The following FSD2 variants were observed in gnomAD, a reference collection of about 807,000 sequenced individuals.
FSD2 encodes the protein fibronectin type III and SPRY domain containing 2, also known as fibronectin type III and SPRY domain-containing protein 2.
In FSD2, 71 loss-of-function variants were observed where a neutral mutation model predicts 80.4. That is an observed-to-expected ratio of 0.88 (90% CI 0.73 to 1.08). FSD2 has a LOEUF of 1.08. Among genes scored for constraint, FSD2 ranks in the 50% least tolerant of loss-of-function variants. The pLI, the probability that FSD2 is intolerant of heterozygous loss-of-function variation, is 0.00. For synonymous variants in FSD2, 361 were observed against 329.5 expected, an observed-to-expected ratio of 1.10 and a Z score of -1.03; for missense variants, 923 against 913.8, an observed-to-expected ratio of 1.01 and a Z score of -0.13.
chr15:82,785,808 A>C (rs574239925), intron 3 of FSD2, among the ~76,000 whole-genome samples: 1 of 152,284 alleles, frequency 6.6e-6, no homozygotes, highest in South Asian at 2.1e-4. Context: ...TCCCGAAACC[A>C]ACGGAACAAC....
chr15:82,790,573 C>T (rs372362909), intron 1 of FSD2, among the ~76,000 whole-genome samples: 1 of 99,928 alleles, frequency 1.0e-5, no homozygotes, highest in East Asian at 2.8e-4. Context: ...TGTGTTCGTG[C>T]GTGTGTGTGT....
At chr15:82,760,200 A>G (rs565968632) in intron 12 of FSD2, among the ~76,000 whole-genome samples, 9 of 152,348 alleles carry the variant, frequency 5.9e-5, no homozygotes, top group African/African-American at 2.2e-4. Context: ...GGAATAGAAC[A>G]TGTTTTTAAA....
chr15:82,766,311 G>T (rs1041050558), intron 9 of FSD2, among the ~76,000 whole-genome samples: 1 of 152,230 alleles, frequency 6.6e-6, no homozygotes, highest in South Asian at 2.1e-4. Flanking sequence ...ACTGTGCTTG[G>T]CATATGGTTA....
rs1238125089 is a variant in FSD2, at chr15:82,756,739, C to G, written c.*2609G>C. ...TTTCCCCTTTGTTAAGGTGGGGAGG[C>G]CACAGCTTATGTGAATGACTTTCTC... On this transcript the variant is annotated 3_prime_UTR_variant, in exon 13 of 13. Transcript: ENST00000334574. 1 of 152,136 alleles carries G rather than the reference C, an allele frequency of 6.6e-6. No homozygotes were observed. The highest frequency in any genetic ancestry group is 1.5e-5 in the Non-Finnish European group (1 of 68,034). The allele number at this position is 152,136 out of a possible 1,614,324, so 9.4% of individuals were successfully genotyped here.
At chr15:82,785,089 T>C (rs2049963226) in intron 3 of FSD2, among the ~76,000 whole-genome samples, 1 of 152,156 alleles carries the variant, frequency 6.6e-6, no homozygotes, top group South Asian at 2.1e-4. Context: ...TAGGGGCCAA[T>C]ATGACTAGTG....
chr15:82,768,974 G>A lies in FSD2; in HGVS notation c.1459C>T (p.Leu487=). 6.2e-7 allele frequency: 1 copy of A among 1,606,138 alleles called. No homozygotes were observed. Among genetic ancestry groups the A allele is most frequent in the Non-Finnish European group, 8.5e-7 (1 of 1,176,442 alleles). Reference sequence around the variant, plus strand: ...AGGTTCCCAGACTCCCAGCAAATCAGCACAGCCTCTTCACAGCTCCTTATC... The same window carrying A: ...AGGTTCCCAGACTCCCAGCAAATCAACACAGCCTCTTCACAGCTCCTTATC... The part of the protein sequence containing the change: ...KEIRSCEEAV[L]ICWESGNLNP... Residue 487 remains leucine (L), a synonymous_variant, in exon 9 of 13, where the codon CTG becomes TTG. Transcript: ENST00000334574.
intron 3 of FSD2, among the ~76,000 whole-genome samples, chr15:82,784,225 G>T (rs2049941418): frequency 7.0e-6 from 1 of 142,610 alleles, no homozygotes; most frequent in African/African-American, 2.5e-5. Context: ...CAGCATGTAA[G>T]AAGTTTTTTA....
intron 1 of FSD2, among the ~76,000 whole-genome samples, chr15:82,800,258 A>G (rs2050378156): frequency 6.6e-6 from 1 of 152,180 alleles, no homozygotes; most frequent in African/African-American, 2.4e-5. Context: ...TTGTCCTGCA[A>G]GCACAGGAAA....
chr15:82,785,300 A>ATTATTTATTTATTTAT (rs10635621), intron 3 of FSD2, among the ~76,000 whole-genome samples: 73 of 147,022 alleles, frequency 5.0e-4, no homozygotes, highest in African/African-American at 1.3e-3. Flanking sequence ...AAGGCAATAC[A>ATTATTTATTTATTTAT]TTATTTATTT....
Position 82,759,530 on chromosome 15 carries a change from C to T in FSD2, c.2068G>A (p.Gly690Ser). The T allele has an allele frequency of 6.2e-7, 1 of 1,609,502 alleles. No homozygotes were observed. The highest frequency in any genetic ancestry group is 8.5e-7 in the Non-Finnish European group (1 of 1,177,500). The change falls in exon 13 of 13, where the codon GGC becomes AGC. Residue 690 changes from glycine to serine, a missense_variant. Transcript: ENST00000334574. ...IRITVPPKKI[G>S]ILLDYEHSKL... ...GAATGTTCATAGTCTAATAGAATGCCAATCTTCTTTGGTGGAACTGTTATT... is the reference window on the plus strand; with the variant it reads ...GAATGTTCATAGTCTAATAGAATGCTAATCTTCTTTGGTGGAACTGTTATT...
Position 82,769,866 on chromosome 15 carries a change from T to C in FSD2, c.1286A>G (p.Lys429Arg), listed in dbSNP as rs753060034. 3 of 1,613,988 alleles carry C rather than the reference T, an allele frequency of 1.9e-6. No individual in the cohort carries two copies. In the East Asian group the frequency reaches 6.7e-5, roughly 36 times the overall value. The change falls in exon 8 of 13, where the codon AAA (lysine) becomes AGA (arginine). Residue 429 changes from lysine (K) to arginine (R), a missense_variant. Coordinates refer to ENST00000334574, the MANE Select transcript of FSD2 (RefSeq NM_001007122.4). ...GTTTGTCACTGAGCAATATGTTTCT[T>C]TGACAGTCACTGTAAACTCTGGGGA... ...TDQAEFTVTV[K>R]ETYCSVTNLV...
At chr15:82,785,221 C>G (rs2049966758) in intron 3 of FSD2, among the ~76,000 whole-genome samples, 1 of 152,134 alleles carries the variant, frequency 6.6e-6, no homozygotes, top group African/African-American at 2.4e-5. Context: ...AATAGAAACT[C>G]CTTTCCAATC....
intron 1 of FSD2, among the ~76,000 whole-genome samples, chr15:82,791,124 C>G (rs920886070): frequency 2.3e-4 from 34 of 146,656 alleles, no homozygotes; most frequent in African/African-American, 7.1e-4. Context: ...TCAGCCTCCC[C>G]AGTAGCTGGG....
intron 6 of FSD2, among the ~76,000 whole-genome samples, chr15:82,775,259 A>G (rs1287313000): frequency 5.9e-5 from 9 of 151,856 alleles, no homozygotes; most frequent in East Asian, 2.0e-4. Flanking sequence ...TTAGCCAGGC[A>G]TGGTAGCGGG....
Position 82,759,460 on chromosome 15 carries a change from G to C in FSD2, c.2138C>G (p.Thr713Arg). Residue 713 changes from threonine to arginine, a missense_variant, in exon 13 of 13, where the codon ACA becomes AGA. Thr to Arg is a moderately conservative substitution (Grantham distance 71). Coordinates refer to ENST00000334574, the MANE Select transcript of FSD2 (RefSeq NM_001007122.4). Reference protein sequence around the residue: ...FNVDLSQHLYTFSCQLHEFVH... With the variant: ...FNVDLSQHLYRFSCQLHEFVH... ...AAATTCGTGAAGCTGACAACTAAATGTATATAGATGCTGAGAAAGGTCCAC... is the reference window on the plus strand; with the variant it reads ...AAATTCGTGAAGCTGACAACTAAATCTATATAGATGCTGAGAAAGGTCCAC... The C allele has an allele frequency of 6.2e-7, 1 of 1,613,600 alleles. No homozygotes were observed. The highest frequency in any genetic ancestry group is 1.1e-5 in the South Asian group (1 of 90,952).
At chr15:82,764,060 A>G in intron 11 of FSD2, among the ~76,000 whole-genome samples, 1 of 152,310 alleles carries the variant, frequency 6.6e-6, no homozygotes, top group East Asian at 1.9e-4. Flanking sequence ...TGCAGGAGAG[A>G]GAGCACTGGG....
intron 12 of FSD2, among the ~76,000 whole-genome samples, chr15:82,761,603 T>C (rs2049296860): frequency 6.6e-6 from 1 of 152,108 alleles, no homozygotes; most frequent in South Asian, 2.1e-4. Flanking sequence ...TCCAAATCCA[T>C]GTCGTTTGGA....
intron 1 of FSD2, among the ~76,000 whole-genome samples, chr15:82,805,510 G>A (rs1412084044): frequency 2.6e-5 from 4 of 152,122 alleles, no homozygotes; most frequent in African/African-American, 9.7e-5. Context: ...CATAACAAGT[G>A]AAAAATAATT....
chr15:82,787,155 C>T lies in FSD2; in HGVS notation c.236G>A (p.Gly79Glu). 1 of 1,614,012 alleles carries T rather than the reference C, an allele frequency of 6.2e-7. No homozygotes were observed. Among genetic ancestry groups the T allele is most frequent in the Non-Finnish European group, 8.5e-7 (1 of 1,179,896 alleles). ...CCCTAATTCATGATCATCTTCAAGT[C>T]CATATAAGTGGACAAGTTCATCCAC... ...EEVDELVHLY[G>E]LEDDHELGDE... Residue 79 changes from glycine to glutamate, a missense_variant, in exon 2 of 13, where the codon GGA becomes GAA. Gly to Glu is a moderately conservative substitution (Grantham distance 98). Transcript: ENST00000334574.
Sources: allele counts gnomAD v4.1 joint callset (sites outside exome capture counted in the v4.1 genomes callset), GRCh38; gene constraint gnomAD v4.1.1; transcripts MANE v1.5; gene names NCBI Gene and HGNC (gene_info 2026-07-23, HGNC 2026-07-21).